SLC37A1: variants seen among roughly 807,000 people sequenced by gnomAD.
SLC37A1 encodes the protein solute carrier family 37 member 1.
A neutral mutation model predicts 75.3 loss-of-function variants in SLC37A1; 49 were observed. The ratio of observed to expected loss-of-function variants is 0.65; its 90% CI spans 0.52 to 0.83. The LOEUF is 0.83. Ranked by LOEUF, SLC37A1 falls within the 40% of genes least tolerant of loss-of-function variation. SLC37A1 has a pLI of 0.00. For synonymous variants in SLC37A1, 268 were observed against 292.1 expected, an observed-to-expected ratio of 0.92 and a Z score of 0.84; for missense variants, 566 against 695.0, an observed-to-expected ratio of 0.81 and a Z score of 2.09.
rs1435126098 is a variant in SLC37A1, at chr21:42,547,034, G to T, written c.731-69G>T. On this transcript the variant is annotated intron_variant, in intron 8 of 19. Transcript: ENST00000352133. The surrounding 1 kb of genome is among the most constrained non-coding windows in gnomAD (Gnocchi z 6.1). Reference sequence around the variant, plus strand: ...TGCTCCCGTGTTGCCCTGTCCTCGGGTTACGTAGCTTACTTGGCATTGCCA... The same window carrying T: ...TGCTCCCGTGTTGCCCTGTCCTCGGTTTACGTAGCTTACTTGGCATTGCCA... 6.3e-7 allele frequency: 1 copy of T among 1,599,812 alleles called. No homozygotes were observed. The highest frequency in any genetic ancestry group is 1.3e-5 in the African/African-American group (1 of 74,776).
intron 2 of SLC37A1, among the ~76,000 whole-genome samples, chr21:42,503,751 G>A (rs912516594): frequency 2.6e-5 from 4 of 152,174 alleles, no homozygotes; most frequent in African/African-American, 9.7e-5. Context: ...ACTAGGACAA[G>A]CATCTAAATA....
Position 42,519,547 on chromosome 21 carries a change from C to T in SLC37A1, c.56+1037C>T, listed in dbSNP as rs192521214. ...TTCAGTAGCTAAGAGAATTCAGGAACGCAAATGCCTTCTGCTCAAAATGAT... is the reference window on the plus strand; with the variant it reads ...TTCAGTAGCTAAGAGAATTCAGGAATGCAAATGCCTTCTGCTCAAAATGAT... On this transcript the variant is annotated intron_variant, in intron 2 of 19. Transcript: ENST00000352133. Among the ~76,000 whole-genome samples, 212 of 152,300 alleles carry T rather than the reference C, an allele frequency of 1.4e-3. 2 individuals are homozygous for T. Among genetic ancestry groups the T allele is most frequent in the African/African-American group, 4.8e-3 (200 of 41,568 alleles).
intron 10 of SLC37A1, among the ~76,000 whole-genome samples, chr21:42,556,235 C>T (rs985142367): frequency 1.2e-4 from 19 of 152,238 alleles, no homozygotes; most frequent in African/African-American, 4.6e-4. Context: ...TCGCACTTGC[C>T]ATCCCTGTAG....
At chr21:42,553,261 C>A (rs1296051201) in intron 9 of SLC37A1, among the ~76,000 whole-genome samples, 1 of 152,176 alleles carries the variant, frequency 6.6e-6, no homozygotes, top group African/African-American at 2.4e-5. Flanking sequence ...CTCTCTAAGC[C>A]TTAGAAATTG....
chr21:42,569,262 G>A (rs917809391), intron 17 of SLC37A1, among the ~76,000 whole-genome samples: 5 of 152,208 alleles, frequency 3.3e-5, no homozygotes, highest in Admixed American at 2.6e-4. Context: ...CCACTGGCTC[G>A]TGCAGGGAGC....
At chr21:42,503,952 G>C (rs1296259538) in intron 2 of SLC37A1, among the ~76,000 whole-genome samples, 1 of 152,174 alleles carries the variant, frequency 6.6e-6, no homozygotes, top group East Asian at 1.9e-4. Context: ...CCACATCCGG[G>C]TGGTACTAGA....
intron 11 of SLC37A1, chr21:42,561,835 C>G: frequency 2.1e-6 from 1 of 466,026 alleles, no homozygotes; most frequent in Non-Finnish European, 3.8e-6. Flanking sequence ...GGGGCCCCAC[C>G]CTTCTCAGAG....
chr21:42,578,770 G>C (rs969743219), intron 18 of SLC37A1, among the ~76,000 whole-genome samples: 4 of 152,186 alleles, frequency 2.6e-5, no homozygotes, highest in African/African-American at 9.7e-5. Context: ...CCTCATACAA[G>C]GGACTCCTAA....
chr21:42,573,176 A>G (rs400893), intron 17 of SLC37A1, among the ~76,000 whole-genome samples: 114,413 of 152,166 alleles, frequency 0.75, 44,127 homozygotes, highest in African/African-American at 0.85. Flanking sequence ...GCACGGGGGC[A>G]TCAGGAGGAG....
rs965400830 is a variant in SLC37A1 at position 42,540,146 on chromosome 21, C to T, written c.486+499C>T. On this transcript the variant is annotated intron_variant, in intron 6 of 19. Coordinates refer to ENST00000352133, the MANE Select transcript of SLC37A1 (RefSeq NM_001320537.2). ...TAAATGCTGGGTGATCAATTTAAAG[C>T]ATGTATTAGGGGAACTTACATACTG... 2.6e-5 allele frequency among the ~76,000 whole-genome samples: 4 copies of T among 152,206 alleles called. 1 individual carries two copies. Among genetic ancestry groups the T allele is most frequent in the Admixed American group, 1.3e-4 (2 of 15,282 alleles).
intron 5 of SLC37A1, among the ~76,000 whole-genome samples, chr21:42,537,492 G>C (rs1028331579): frequency 2.6e-5 from 4 of 152,150 alleles, no homozygotes; most frequent in African/African-American, 9.7e-5. Flanking sequence ...TCTCAGCTGG[G>C]GGCAGTTTTG....
intron 11 of SLC37A1, among the ~76,000 whole-genome samples, chr21:42,560,202 G>A (rs2055793995): frequency 6.6e-6 from 1 of 152,240 alleles, no homozygotes; most frequent in African/African-American, 2.4e-5. Context: ...TCTCTCAGCA[G>A]AGAATCTAAG....
At chr21:42,525,372 C>T (rs889242446) in intron 2 of SLC37A1, among the ~76,000 whole-genome samples, 10 of 152,218 alleles carry the variant, frequency 6.6e-5, no homozygotes, top group African/African-American at 9.7e-5. Context: ...CAGCCTCGGC[C>T]GGAGCCCCGC....
At chr21:42,527,877 C>T (rs2054841622) in intron 3 of SLC37A1, among the ~76,000 whole-genome samples, 1 of 152,142 alleles carries the variant, frequency 6.6e-6, no homozygotes, top group Non-Finnish European at 1.5e-5. Context: ...AACATCACAC[C>T]ACATCAAAAC....
chr21:42,562,908 C>T (rs930676642), intron 12 of SLC37A1, among the ~76,000 whole-genome samples: 1 of 152,094 alleles, frequency 6.6e-6, no homozygotes, highest in Admixed American at 6.5e-5. Flanking sequence ...AAGAGGAGGC[C>T]TTTGAGAATG....
In SLC37A1 at chr21:42,543,429, G is replaced by T; in HGVS notation, c.564-7G>T. ...CATCTTCTGTCTTCTGTTTTGTTGT[G>T]CTGCAGGAGAGGTTTGATTATGGGG... On this transcript the variant is annotated splice_region_variant and splice_polypyrimidine_tract_variant and intron_variant, in intron 7 of 19. Coordinates refer to ENST00000352133, the MANE Select transcript of SLC37A1 (RefSeq NM_001320537.2). 1 of 1,614,130 alleles carries T rather than the reference G, an allele frequency of 6.2e-7. No individual in the cohort carries two copies. The highest frequency in any genetic ancestry group is 1.7e-5 in the Admixed American group (1 of 60,022).
chr21:42,571,689 C>T (rs1245166309), intron 17 of SLC37A1, among the ~76,000 whole-genome samples: 1 of 151,996 alleles, frequency 6.6e-6, no homozygotes, highest in African/African-American at 2.4e-5. Flanking sequence ...TTGCCCACCC[C>T]TCCTCCTCCT....
At position 42,539,635 on chromosome 21, in the gene SLC37A1, C is replaced by A; in HGVS notation, c.474C>A (p.Tyr158Ter). 6.2e-7 allele frequency: 1 copy of A among 1,613,184 alleles called. No individual in the cohort carries two copies. The highest frequency in any genetic ancestry group is 1.3e-5 in the African/African-American group (1 of 74,998). ...ACAACATCCACAGTTTCGGATTCTA[C>A]GTGGTAACTCAGGTAAGGGTTTGGA... Reference protein sequence around the residue: ...YFYNIHSFGFYVVTQVINGLV... With the variant: ...YFYNIHSFGF The change falls in exon 6 of 20, where the codon TAC (tyrosine) becomes TAA (stop). Residue 158 changes from tyrosine to a stop codon, truncating the protein, a stop_gained. Coordinates refer to ENST00000352133, the MANE Select transcript of SLC37A1 (RefSeq NM_001320537.2). LOFTEE classifies it high-confidence loss of function.
intron 2 of SLC37A1, among the ~76,000 whole-genome samples, chr21:42,519,059 C>T (rs1385101623): frequency 6.6e-6 from 1 of 152,206 alleles, no homozygotes; most frequent in Non-Finnish European, 1.5e-5. Flanking sequence ...TGAAGCTGGG[C>T]TCCCTGGCCT....
Sources: gnomAD v4.1 joint callset for allele counts (sites outside exome capture counted in the v4.1 genomes callset) on GRCh38, gnomAD v4.1.1 for gene constraint, Gnocchi (gnomAD v3.1) non-coding constraint, MANE v1.5 for transcripts, NCBI Gene and HGNC (gene_info 2026-07-23, HGNC 2026-07-21) for gene names.